The following GARIN5B variants were observed in gnomAD, a reference collection of about 807,000 sequenced individuals.
GARIN5B encodes the protein Golgi-associated RAB2 interactor protein 5B.
chr19:55,355,100 G>C, the GARIN5B span: 163,749 of 389,290 alleles, frequency 0.42, 39,008 homozygotes, highest in East Asian at 0.73. Context: ...CGGGGCCTGT[G>C]GGGTTAAGAG....
the GARIN5B span, chr19:55,359,712 C>T: frequency 1.0e-5 from 16 of 1,551,436 alleles, no homozygotes; most frequent in Admixed American, 1.4e-4. Flanking sequence ...CCCATAGGCC[C>T]GGCCTTTTCC....
At chr19:55,355,257 TA>T in the GARIN5B span, 1 of 1,469,690 alleles carries the variant, frequency 6.8e-7, no homozygotes, top group Admixed American at 2.1e-5. Flanking sequence ...TCTTAAAGGG[TA>T]CCTGGCAGCG....
chr19:55,360,091 G>A, the GARIN5B span: 7 of 793,122 alleles, frequency 8.8e-6, no homozygotes, highest in Admixed American at 1.2e-4. Flanking sequence ...CCAGGCCCCA[G>A]CCCCTCCTCC....
chr19:55,359,735 A>T, the GARIN5B span: 1 of 1,551,130 alleles, frequency 6.4e-7, no homozygotes, highest in Non-Finnish European at 8.7e-7. Context: ...GCCCCTGGGG[A>T]TGGAAGAGTA....
the GARIN5B span, chr19:55,363,077 G>A: frequency 1.3e-6 from 2 of 1,494,370 alleles, no homozygotes; most frequent in African/African-American, 1.4e-5. This position sits in a 1 kb window ranked among gnomAD's most constrained non-coding sequence, Gnocchi z 4.0. Flanking sequence ...GGTGGCTGTG[G>A]TGGATGGGTA....
the GARIN5B span, chr19:55,359,840 T>A: frequency 4.5e-6 from 7 of 1,551,370 alleles, no homozygotes; most frequent in Non-Finnish European, 5.2e-6. Flanking sequence ...GTCTTCCGTG[T>A]CCTGATGCCA....
At chr19:55,357,141 A>G in the GARIN5B span, among the ~76,000 whole-genome samples, 3 of 152,172 alleles carry the variant, frequency 2.0e-5, no homozygotes, top group African/African-American at 7.2e-5. Context: ...CCTGGCCTCC[A>G]ACGATTCACT....
the GARIN5B span, chr19:55,358,629 A>C: frequency 6.4e-7 from 1 of 1,551,342 alleles, no homozygotes; most frequent in Non-Finnish European, 8.7e-7. Flanking sequence ...CCCTCCAGTA[A>C]GGACAGCTGG....
chr19:55,362,281 C>A, the GARIN5B span: 40 of 1,545,858 alleles, frequency 2.6e-5, no homozygotes, highest in Non-Finnish European at 3.4e-5. Flanking sequence ...CTTCGGCCAG[C>A]GGCATATCCA....
the GARIN5B span, chr19:55,358,276 G>T: frequency 3.9e-6 from 6 of 1,550,920 alleles, no homozygotes; most frequent in South Asian, 3.6e-5. Context: ...TGGCCAGGGG[G>T]TGCTGGGCTG....
the GARIN5B span, chr19:55,358,350 T>C: frequency 6.6e-7 from 1 of 1,524,430 alleles, no homozygotes; most frequent in African/African-American, 1.4e-5. Flanking sequence ...GTGGCCTCCA[T>C]CTTTGAGATG....
chr19:55,358,001 C>G, the GARIN5B span: 625 of 942,400 alleles, frequency 6.6e-4, 2 homozygotes, highest in African/African-American at 9.7e-3. Context: ...TTGCAGTGAG[C>G]CAAGATCATA....
At chr19:55,355,351 G>A in the GARIN5B span, 4 of 1,550,498 alleles carry the variant, frequency 2.6e-6, no homozygotes, top group Admixed American at 2.0e-5. Flanking sequence ...GCAGGCTGCA[G>A]GGAGAAAGCA....
chr19:55,357,019 T>G, the GARIN5B span, among the ~76,000 whole-genome samples: 1 of 152,068 alleles, frequency 6.6e-6, no homozygotes, highest in East Asian at 1.9e-4. Flanking sequence ...ATCGCGCCAC[T>G]GCACTCTAGC....
the GARIN5B span, chr19:55,358,067 A>AT: frequency 2.3e-6 from 3 of 1,327,112 alleles, no homozygotes; most frequent in African/African-American, 1.5e-5. Context: ...AAAAAAAAAA[A>AT]GTGAAAGGAA....
At chr19:55,358,811 TC>T in the GARIN5B span, 10 of 1,547,942 alleles carry the variant, frequency 6.5e-6, no homozygotes, top group African/African-American at 1.4e-4. Context: ...CCTGCTGTGC[TC>T]CTGGGAGGGG....
the GARIN5B span, chr19:55,358,892 G>A: frequency 0.026 from 40,712 of 1,550,496 alleles, 619 homozygotes; most frequent in Non-Finnish European, 0.032. Context: ...TCTCACGCCA[G>A]GCAGGTCCGG....
the GARIN5B span, among the ~76,000 whole-genome samples, chr19:55,356,509 T>G: frequency 6.6e-6 from 1 of 151,972 alleles, no homozygotes; most frequent in African/African-American, 2.4e-5. Context: ...GGTTTCACCA[T>G]CTTGGCCAGG....
the GARIN5B span, chr19:55,358,837 T>C: frequency 1.3e-6 from 2 of 1,546,298 alleles, no homozygotes; most frequent in African/African-American, 2.7e-5. Context: ...CGACGGCCAG[T>C]TCCTTGGCCT....
Sources: allele counts gnomAD v4.1 joint callset (sites outside exome capture counted in the v4.1 genomes callset), GRCh38; gene constraint gnomAD v4.1.1; non-coding constraint Gnocchi (gnomAD v3.1); transcripts MANE v1.5; gene names NCBI Gene and HGNC (gene_info 2026-07-23, HGNC 2026-07-21).